The following CACNA1D variants were observed in gnomAD, a reference collection of about 807,000 sequenced individuals.
CACNA1D encodes voltage-dependent L-type calcium channel subunit alpha-1D.
Under a neutral mutation model 257.1 loss-of-function variants are expected in CACNA1D, and 55 were observed. That is an observed-to-expected ratio of 0.21 (90% CI 0.17 to 0.27). The LOEUF (loss-of-function observed/expected upper bound fraction) is 0.27. Ranked by LOEUF, CACNA1D falls within the 10% of genes least tolerant of loss-of-function variation. CACNA1D has a pLI of 1.00. For missense variants in CACNA1D, 1,876 were observed against 2,784.0 expected (o/e 0.67, Z 7.34); for synonymous variants, 980 against 1,014.9 (o/e 0.97, Z 0.65).
At position 53,638,325 on chromosome 3, in the gene CACNA1D, C is replaced by T. The variant is rs562613952; in HGVS notation, c.484-12454C>T. ...CCCTCATAGCAGAGCCAGCCCTAAG[C>T]CAGGGCAGGGCCTCCTCCGGGAAGA... On this transcript the variant is annotated intron_variant, in intron 3 of 47. Coordinates refer to ENST00000350061, the MANE Select transcript of CACNA1D (RefSeq NM_001128840.3). 1.7e-3 allele frequency among the ~76,000 whole-genome samples: 259 copies of T among 152,308 alleles called. 1 individual carries two copies. The highest frequency in any genetic ancestry group is 6.0e-3 in the African/African-American group (249 of 41,572).
chr3:53,672,052 A>G (rs1391769488), intron 7 of CACNA1D, among the ~76,000 whole-genome samples: 2 of 152,242 alleles, frequency 1.3e-5, no homozygotes, highest in African/African-American at 4.8e-5. Flanking sequence ...TGCTGCTGGA[A>G]AGTTCCATCC....
At position 53,794,972 on chromosome 3, in the gene CACNA1D, A is replaced by G. The variant is rs2095501126; in HGVS notation, c.4924-5277A>G. On this transcript the variant is annotated intron_variant, in intron 40 of 47. Coordinates refer to ENST00000350061, the MANE Select transcript of CACNA1D (RefSeq NM_001128840.3). ...GCCTTTTAATCATCTCCCTTGTTAA[A>G]GAGGCTCCTGTGCAGTGGCACTGCC... Among the ~76,000 whole-genome samples the G allele has an allele frequency of 2.0e-5, 3 of 152,204 alleles. No individual in the cohort carries two copies. The South Asian group carries it at 6.2e-4, about 32-fold the overall frequency.
rs943376359 is a variant in CACNA1D, at chr3:53,734,921, A to G, written c.2622-453A>G. Among the ~76,000 whole-genome samples, 6 of 152,202 alleles carry G rather than the reference A, an allele frequency of 3.9e-5. 1 individual carries two copies. The highest frequency in any genetic ancestry group is 6.5e-5 in the Admixed American group (1 of 15,282). ...CTGGGATTCATCTCATTCTGTGTGAACTGTTGAGGGCAGGCCTGGCCTCAG... is the reference window on the plus strand; with the variant it reads ...CTGGGATTCATCTCATTCTGTGTGAGCTGTTGAGGGCAGGCCTGGCCTCAG... On this transcript the variant is annotated intron_variant, in intron 19 of 47. Coordinates refer to ENST00000350061, the MANE Select transcript of CACNA1D (RefSeq NM_001128840.3).
intron 4 of CACNA1D, among the ~76,000 whole-genome samples, chr3:53,658,664 G>A (rs1023714170): frequency 2.6e-5 from 4 of 152,178 alleles, no homozygotes; most frequent in Non-Finnish European, 5.9e-5. Context: ...TTTTTCTGAA[G>A]CTATGAATTT....
In CACNA1D at chr3:53,745,614, C is replaced by T. The variant is rs774656259; in HGVS notation, c.3007-10C>T. The T allele has an allele frequency of 6.3e-7, 1 of 1,593,188 alleles. No homozygotes were observed. The highest frequency in any genetic ancestry group is 1.7e-5 in the Admixed American group (1 of 60,008). On this transcript the variant is annotated splice_polypyrimidine_tract_variant and intron_variant, in intron 23 of 47. Coordinates refer to ENST00000350061, the MANE Select transcript of CACNA1D (RefSeq NM_001128840.3). ...CAAAGAAGAGTCACGCCCCTCTGCC[C>T]TCTCCGCAGCACGTGGTCCAGTGCG...
intron 20 of CACNA1D, among the ~76,000 whole-genome samples, chr3:53,738,475 C>G (rs937793448): frequency 6.6e-6 from 1 of 152,076 alleles, no homozygotes; most frequent in Non-Finnish European, 1.5e-5. Flanking sequence ...TCATTTCATT[C>G]CATCATAAAA....
intron 8 of CACNA1D, among the ~76,000 whole-genome samples, chr3:53,694,541 T>C (rs1404096259): frequency 1.3e-5 from 2 of 152,082 alleles, no homozygotes; most frequent in African/African-American, 4.8e-5. Flanking sequence ...ACTGGGCATA[T>C]GATGTGGGCC....
Position 53,774,346 on chromosome 3 carries a change from C to G in CACNA1D, c.4111-241C>G. The G allele has an allele frequency of 2.0e-6, 1 of 506,068 alleles. No individual in the cohort carries two copies. Among genetic ancestry groups the G allele is most frequent in the Non-Finnish European group, 3.6e-6 (1 of 278,294 alleles). The allele number at this position is 506,068 out of a possible 1,614,324, so 31.3% of individuals were successfully genotyped here. On this transcript the variant is annotated intron_variant, in intron 33 of 47. Coordinates refer to ENST00000350061, the MANE Select transcript of CACNA1D (RefSeq NM_001128840.3). This position sits in a 1 kb window ranked among gnomAD's most constrained non-coding sequence, Gnocchi z 4.3. The stretch of plus-strand genomic sequence containing the variant: ...TGTTGCCTGGCTACCTTTGTGTCTC[C>G]CCCAGGGGAGATCCGCGAATGTGAG...
At chr3:53,599,373 CTT>C (rs1208629732) in intron 3 of CACNA1D, among the ~76,000 whole-genome samples, 2 of 152,092 alleles carry the variant, frequency 1.3e-5, no homozygotes, top group Non-Finnish European at 2.9e-5. Flanking sequence ...AGAATAAACT[CTT>C]AGCCTTGAAA....
intron 3 of CACNA1D, among the ~76,000 whole-genome samples, chr3:53,563,147 A>G (rs2092770181): frequency 6.6e-6 from 1 of 152,208 alleles, no homozygotes; most frequent in Non-Finnish European, 1.5e-5. Flanking sequence ...TACCTAGTCT[A>G]TAACTCACCA....
intron 39 of CACNA1D, among the ~76,000 whole-genome samples, chr3:53,783,478 A>G (rs2095436697): frequency 6.6e-6 from 1 of 152,228 alleles, no homozygotes; most frequent in Non-Finnish European, 1.5e-5. Context: ...GTTTAGGATG[A>G]CAGGTTTTAA....
chr3:53,807,099 C>A lies in CACNA1D; in HGVS notation c.5750-1550C>A, dbSNP rs182347729. ...CCTCCTCCACCTGTGTTCTCAGCTG[C>A]AGGGGGATTCCCTCCTCCTCCAGAG... On this transcript the variant is annotated intron_variant, in intron 45 of 47. Coordinates refer to ENST00000350061, the MANE Select transcript of CACNA1D (RefSeq NM_001128840.3). Among the ~76,000 whole-genome samples, 257 of 152,348 alleles carry A rather than the reference C, an allele frequency of 1.7e-3. 1 individual carries two copies. The highest frequency in any genetic ancestry group is 0.012 in the Admixed American group (180 of 15,314).
At chr3:53,718,221 G>A in intron 9 of CACNA1D, 80 bp from the exon 10 acceptor site, 1 of 1,225,354 alleles carries the variant, frequency 8.2e-7, no homozygotes, top group South Asian at 1.2e-5. Flanking sequence ...TCTGCCTGGT[G>A]GCAGAGGCTC....
chr3:53,616,427 CCT>C (rs2093637403), intron 3 of CACNA1D, among the ~76,000 whole-genome samples: 1 of 152,184 alleles, frequency 6.6e-6, no homozygotes, highest in African/African-American at 2.4e-5. Flanking sequence ...CTTCCTGTCC[CCT>C]CTTTCTCTGC....
At chr3:53,608,442 C>G (rs1327553071) in intron 3 of CACNA1D, among the ~76,000 whole-genome samples, 3 of 152,204 alleles carry the variant, frequency 2.0e-5, no homozygotes, top group Non-Finnish European at 2.9e-5. Flanking sequence ...AGTTTTCCTT[C>G]TCCCGTTATA....
In CACNA1D at chr3:53,732,100, G is replaced by A. The variant is rs563197809; in HGVS notation, c.2473+18G>A. On this transcript the variant is annotated intron_variant, in intron 18 of 47. Transcript: ENST00000350061. ...TGTGCCAGGTATGGTGGCGGAGGCC[G>A]GAGACGCTGGCTTTGCTGTGTGTCT... The A allele has an allele frequency of 2.3e-5, 37 of 1,592,152 alleles. No homozygotes were observed. The highest frequency in any genetic ancestry group is 8.0e-5 in the African/African-American group (6 of 74,624).
chr3:53,572,897 G>A (rs780326246), intron 3 of CACNA1D, among the ~76,000 whole-genome samples: 1 of 152,154 alleles, frequency 6.6e-6, no homozygotes, highest in African/African-American at 2.4e-5. Flanking sequence ...CAGAACTCAG[G>A]CTTTGTGCTG....
At position 53,789,247 on chromosome 3, in the gene CACNA1D, G is replaced by A. The variant is rs1411481696; in HGVS notation, c.4923+2295G>A. Among the ~76,000 whole-genome samples the A allele has an allele frequency of 2.6e-5, 4 of 152,174 alleles. No individual in the cohort carries two copies. The highest frequency in any genetic ancestry group is 1.9e-4 in the East Asian group (1 of 5,198). On this transcript the variant is annotated intron_variant, in intron 40 of 47. Transcript: ENST00000350061. This position sits in a 1 kb window ranked among gnomAD's most constrained non-coding sequence, Gnocchi z 4.2. ...TGGCTCCATTGGGAGCTGAAGCATC[G>A]TCTGTAATTTATGTTGAGAATGCAG...
Position 53,800,333 on chromosome 3 carries a change from A to G in CACNA1D, c.5008A>G (p.Thr1670Ala). Residue 1670 changes from threonine to alanine, a missense_variant, in exon 41 of 48, where the codon ACA becomes GCA. Around this residue, in one of 10 missense-constraint regions of CACNA1D, gnomAD observed 160 missense variants for 236.6 expected, o/e 0.68. Coordinates refer to ENST00000350061, the MANE Select transcript of CACNA1D (RefSeq NM_001128840.3). The surrounding 1 kb of genome is among the most constrained non-coding windows in gnomAD (Gnocchi z 4.3). ...TTTGCAAGATGACGAGCCTGAGGAA[A>G]CAAAACGAGAAGAAGAAGATGATGT... ...CDLQDDEPEE[T>A]KREEEDDVFK... 1 of 1,613,244 alleles carries G rather than the reference A, an allele frequency of 6.2e-7. No homozygotes were observed. The highest frequency in any genetic ancestry group is 8.5e-7 in the Non-Finnish European group (1 of 1,179,110).
Sources: allele counts gnomAD v4.1 joint callset (sites outside exome capture counted in the v4.1 genomes callset), GRCh38; gene constraint gnomAD v4.1.1; regional missense constraint gnomAD v4.1.1; non-coding constraint Gnocchi (gnomAD v3.1); transcripts MANE v1.5; gene names NCBI Gene and HGNC (gene_info 2026-07-23, HGNC 2026-07-21).